Variants in ZNF365 observed in about 807,000 individuals in gnomAD.
ZNF365 encodes zinc finger protein 365, also known as protein ZNF365.
In ZNF365, 22 loss-of-function variants were observed where a neutral mutation model predicts 35.0. The ratio of observed to expected loss-of-function variants is 0.63; its 90% confidence interval spans 0.45 to 0.90. ZNF365 has a LOEUF of 0.90. Among genes scored for constraint, ZNF365 ranks in the 40% least tolerant of loss-of-function variants. The pLI is 0.00. For missense variants in ZNF365, 448 were observed against 500.3 expected, an observed-to-expected ratio of 0.90 and a Z score of 1.00; for synonymous variants, 188 against 196.2, an observed-to-expected ratio of 0.96 and a Z score of 0.35.
chr10:62,413,145 T>G (rs1289188841), intron 3 of ZNF365, among the ~76,000 whole-genome samples: 1 of 152,178 alleles, frequency 6.6e-6, no homozygotes, highest in South Asian at 2.1e-4. Context: ...CATCTGATGT[T>G]TTCTATTAGC....
intron 3 of ZNF365, among the ~76,000 whole-genome samples, chr10:62,452,898 G>T (rs191441906): frequency 2.0e-5 from 3 of 152,340 alleles, no homozygotes; most frequent in Non-Finnish European, 4.4e-5. Context: ...CCTTCCTACT[G>T]CCACCTTCAT....
At chr10:62,431,221 C>A (rs946769778) in intron 3 of ZNF365, among the ~76,000 whole-genome samples, 1 of 152,184 alleles carries the variant, frequency 6.6e-6, no homozygotes, top group Non-Finnish European at 1.5e-5. Flanking sequence ...CTTTCTCCCC[C>A]CTGCTCTTTC....
Position 62,401,325 on chromosome 10 carries a change from G to T in ZNF365, c.*1536G>T. ...AATTAACATTGGCAGAATTATGATT[G>T]TTACTGCAATAAGCATCAAATTAGC... On this transcript the variant is annotated 3_prime_UTR_variant, in exon 5 of 5. Transcript: ENST00000395254. The T allele has an allele frequency of 6.1e-6, 6 of 985,450 alleles. No individual in the cohort carries two copies. Among genetic ancestry groups the T allele is most frequent in the Non-Finnish European group, 7.2e-6 (6 of 829,906 alleles). 61.0% of individuals were successfully genotyped at this position (985,450 alleles called of 1,614,324 possible).
chr10:62,476,383 A>G (rs1177691216), intron 4 of ZNF365, among the ~76,000 whole-genome samples: 1 of 152,220 alleles, frequency 6.6e-6, no homozygotes, highest in Non-Finnish European at 1.5e-5. Flanking sequence ...TATTAAAAAA[A>G]AGTTTTATTT....
chr10:62,451,765 G>A (rs1179221059), intron 3 of ZNF365, among the ~76,000 whole-genome samples: 2 of 152,116 alleles, frequency 1.3e-5, no homozygotes, highest in Non-Finnish European at 2.9e-5. Flanking sequence ...TGTGTCTGGT[G>A]CAGACCTGTA....
intron 3 of ZNF365, among the ~76,000 whole-genome samples, chr10:62,441,835 G>A (rs142009082): frequency 1.2e-3 from 178 of 152,252 alleles, no homozygotes; most frequent in African/African-American, 3.7e-3. Context: ...GAGGTGGCAG[G>A]GAAATGGATT....
intron 4 of ZNF365, among the ~76,000 whole-genome samples, chr10:62,479,541 C>T (rs1483435001): frequency 6.6e-6 from 1 of 152,166 alleles, no homozygotes; most frequent in Non-Finnish European, 1.5e-5. Flanking sequence ...TCATCTGAAC[C>T]AGGACACTCT....
chr10:62,479,898 G>T lies in ZNF365; in HGVS notation c.*2G>T, dbSNP rs1841194673. The T allele has an allele frequency of 4.3e-6, 7 of 1,613,348 alleles. No individual in the cohort carries two copies. The East Asian group carries it at 1.6e-4, about 36-fold the overall frequency. On this transcript the variant is annotated 3_prime_UTR_variant, in exon 5 of 5. Coordinates refer to the ZNF365 transcript ENST00000395255. ...TAGGAGTCTGCGATTGTGGAATAATGAACTTCGAATGATGTGATTCTGGAT... is the reference window on the plus strand; with the variant it reads ...TAGGAGTCTGCGATTGTGGAATAATTAACTTCGAATGATGTGATTCTGGAT...
chr10:62,459,624 T>C, intron 3 of ZNF365: 2 of 1,146,822 alleles, frequency 1.7e-6, no homozygotes, highest in South Asian at 1.6e-5. Context: ...TGGGAAAATA[T>C]GTCAGCTCTC....
rs924209727 is a variant in ZNF365 at position 62,456,054 on chromosome 10, T to C, written c.925-3687T>C. Among the ~76,000 whole-genome samples the C allele has an allele frequency of 2.0e-5, 3 of 152,342 alleles. No homozygotes were observed. The South Asian group carries it at 6.2e-4, about 32-fold the overall frequency. The stretch of plus-strand genomic sequence containing the variant: ...ACTAAACTTGCTGCGGTGATGGTGA[T>C]GGACAGATTCAATATCTGTTCAATC... On this transcript the variant is annotated intron_variant, in intron 3 of 4. Transcript: ENST00000395255.
intron 3 of ZNF365, among the ~76,000 whole-genome samples, chr10:62,455,302 G>A (rs1221105487): frequency 6.6e-6 from 1 of 152,160 alleles, no homozygotes; most frequent in East Asian, 1.9e-4. Context: ...TGAAGCCCCA[G>A]TTGGCTAACA....
intron 3 of ZNF365, among the ~76,000 whole-genome samples, chr10:62,428,932 C>T (rs941990336): frequency 5.3e-5 from 8 of 152,144 alleles, no homozygotes. Context: ...GGGATAAATG[C>T]TTACACTGTG....
At chr10:62,397,994 G>T (rs984289758) in intron 3 of ZNF365, among the ~76,000 whole-genome samples, 1 of 152,166 alleles carries the variant, frequency 6.6e-6, no homozygotes. Context: ...CCCATCACGT[G>T]AGCAGTGTAC....
At chr10:62,442,385 T>C (rs2132465884) in intron 3 of ZNF365, among the ~76,000 whole-genome samples, 1 of 152,296 alleles carries the variant, frequency 6.6e-6, no homozygotes, top group South Asian at 2.1e-4. Context: ...CTCACAACTA[T>C]AGAACAGATG....
At chr10:62,452,306 G>A (rs1489216359) in intron 3 of ZNF365, among the ~76,000 whole-genome samples, 3 of 152,136 alleles carry the variant, frequency 2.0e-5, no homozygotes, top group Non-Finnish European at 4.4e-5. Context: ...GAACAGAGAG[G>A]AAAGGCCATT....
intron 2 of ZNF365, among the ~76,000 whole-genome samples, chr10:62,377,727 A>T (rs1839360388): frequency 6.6e-6 from 1 of 152,240 alleles, no homozygotes; most frequent in Admixed American, 6.5e-5. Flanking sequence ...AGAAAAGTGT[A>T]CATTACAAGT....
intron 3 of ZNF365, among the ~76,000 whole-genome samples, chr10:62,441,039 T>C (rs1840492259): frequency 6.6e-6 from 1 of 152,226 alleles, no homozygotes; most frequent in Non-Finnish European, 1.5e-5. Context: ...AAATATTCAC[T>C]TACTCATAAT....
Position 62,401,761 on chromosome 10 carries a change from A to C in ZNF365, c.*1972A>C, listed in dbSNP as rs560427137. The C allele has an allele frequency of 2.0e-6, 2 of 985,466 alleles. No individual in the cohort carries two copies. The highest frequency in any genetic ancestry group is 4.7e-5 in the South Asian group (1 of 21,286). 61.0% of individuals were successfully genotyped at this position (985,466 alleles called of 1,614,324 possible). On this transcript the variant is annotated 3_prime_UTR_variant, in exon 5 of 5. Coordinates refer to ENST00000395254, the MANE Select transcript of ZNF365 (RefSeq NM_014951.3). ...TGCAATGACAACTTGTTTCTGTTTTATTTAAAGTAACTGACATTTTGGATT... is the reference window on the plus strand; with the variant it reads ...TGCAATGACAACTTGTTTCTGTTTTCTTTAAAGTAACTGACATTTTGGATT...
rs74783779 is a variant in ZNF365 at position 62,479,720 on chromosome 10, G to A, written c.982-156G>A. Among the ~76,000 whole-genome samples the A allele has an allele frequency of 3.7e-3, 571 of 152,280 alleles. 3 individuals carry two copies. Among genetic ancestry groups the A allele is most frequent in the African/African-American group, 0.012 (478 of 41,546 alleles). ...TTCTCAGTTGTAGAAGACGCTCCTC[G>A]TGTCTATCATAGTTTGGCAGCACAT... is the stretch of plus-strand genomic sequence containing the variant. On this transcript the variant is annotated intron_variant, in intron 4 of 4. Transcript: ENST00000395255.
Sources: allele counts gnomAD v4.1 joint callset (sites outside exome capture counted in the v4.1 genomes callset), GRCh38; gene constraint gnomAD v4.1.1; transcripts MANE v1.5; gene names NCBI Gene and HGNC (gene_info 2026-07-23, HGNC 2026-07-21).